Variants in IMMP2L observed in about 807,000 individuals in gnomAD.
IMMP2L encodes inner mitochondrial membrane peptidase subunit 2.
IMMP2L carries 18 observed loss-of-function variants against 19.3 expected under a neutral mutation model. The ratio of observed to expected loss-of-function variants is 0.93; its 90% CI spans 0.64 to 1.38. IMMP2L has a LOEUF of 1.38. Ranked by LOEUF, IMMP2L falls within the 40% of genes most tolerant of loss-of-function variation. The pLI, the probability that IMMP2L is intolerant of heterozygous loss-of-function variation, is 0.00. For missense variants in IMMP2L, 233 were observed against 218.2 expected (o/e 1.07, Z -0.43); for synonymous variants, 76 against 73.0 (o/e 1.04, Z -0.21).
intron 3 of IMMP2L, among the ~76,000 whole-genome samples, chr7:111,273,815 T>C (rs1002530123): frequency 6.6e-6 from 1 of 152,092 alleles, no homozygotes; most frequent in East Asian, 1.9e-4. Flanking sequence ...CATAGTGGCA[T>C]AAAGGGAAGG....
At position 111,030,641 on chromosome 7, in the gene IMMP2L, G is replaced by C. The variant is rs1005776452; in HGVS notation, c.240-67076C>G. The stretch of plus-strand genomic sequence containing the variant: ...CTTTGTAGTAGAGGTGAGCTATGAA[G>C]TTCTCAACTATGAAAGGTTAATACA... On this transcript the variant is annotated intron_variant, in intron 3 of 5. Coordinates refer to ENST00000405709, the MANE Select transcript of IMMP2L (RefSeq NM_032549.4). Among the ~76,000 whole-genome samples, 6 of 152,062 alleles carry C rather than the reference G, an allele frequency of 3.9e-5. No homozygotes were observed. In the South Asian group the frequency reaches 6.2e-4, roughly 16 times the overall value.
At chr7:110,944,564 G>GA (rs1817064108) in intron 4 of IMMP2L, among the ~76,000 whole-genome samples, 1 of 151,920 alleles carries the variant, frequency 6.6e-6, no homozygotes, top group African/African-American at 2.4e-5. Context: ...AGTATACACT[G>GA]AAAAATCTCC....
chr7:110,750,663 G>A (rs963553789), intron 5 of IMMP2L, among the ~76,000 whole-genome samples: 1 of 152,024 alleles, frequency 6.6e-6, no homozygotes, highest in African/African-American at 2.4e-5. Flanking sequence ...AATTGTAATT[G>A]TAATGAGGGC....
chr7:110,700,993 T>C (rs1412270031), intron 5 of IMMP2L, among the ~76,000 whole-genome samples: 5 of 152,194 alleles, frequency 3.3e-5, no homozygotes, highest in Admixed American at 6.5e-5. Flanking sequence ...CAAAAACAGA[T>C]ATAAATTATT....
chr7:111,423,245 G>A (rs1835756220), intron 3 of IMMP2L, among the ~76,000 whole-genome samples: 2 of 151,826 alleles, frequency 1.3e-5, no homozygotes, highest in Admixed American at 6.6e-5. Context: ...GAGTTAAGGA[G>A]GATTCCCTCT....
At chr7:110,946,696 CTG>C (rs1376616781) in intron 4 of IMMP2L, among the ~76,000 whole-genome samples, 12 of 147,754 alleles carry the variant, frequency 8.1e-5, no homozygotes. Flanking sequence ...CATATTAAAA[CTG>C]TTAAGAAAAC....
chr7:111,275,819 C>A (rs1000819625), intron 3 of IMMP2L, among the ~76,000 whole-genome samples: 1 of 151,514 alleles, frequency 6.6e-6, no homozygotes, highest in Non-Finnish European at 1.5e-5. Context: ...ATGGGATTGT[C>A]TTCTTGACTT....
chr7:111,139,054 G>T (rs1377799613), intron 3 of IMMP2L, among the ~76,000 whole-genome samples: 1 of 151,568 alleles, frequency 6.6e-6, no homozygotes, highest in Non-Finnish European at 1.5e-5. Flanking sequence ...ATTCGATTTG[G>T]CTATTGTGAG....
intron 3 of IMMP2L, among the ~76,000 whole-genome samples, chr7:110,980,614 A>T (rs1258303272): frequency 6.6e-6 from 1 of 152,140 alleles, no homozygotes; most frequent in African/African-American, 2.4e-5. Flanking sequence ...GAGTTTTTAC[A>T]TGACTAGATA....
At chr7:111,196,204 C>T (rs1809483640) in intron 3 of IMMP2L, among the ~76,000 whole-genome samples, 1 of 151,976 alleles carries the variant, frequency 6.6e-6, no homozygotes, top group South Asian at 2.1e-4. Flanking sequence ...TTATTTGGGA[C>T]CTTAGGAAAA....
intron 3 of IMMP2L, among the ~76,000 whole-genome samples, chr7:111,278,687 C>T (rs1260770840): frequency 1.3e-5 from 2 of 152,082 alleles, no homozygotes; most frequent in African/African-American, 4.8e-5. Context: ...AAAGGAAAAC[C>T]TAATAAAGTA....
intron 5 of IMMP2L, among the ~76,000 whole-genome samples, chr7:110,868,117 T>TTG (rs71151813): frequency 0.019 from 2,809 of 144,462 alleles, 45 homozygotes; most frequent in African/African-American, 0.04. Context: ...CTTGTGAGGT[T>TTG]TGTGTGTGTG....
chr7:111,286,881 C>T (rs1270891695), intron 3 of IMMP2L, among the ~76,000 whole-genome samples: 1 of 152,108 alleles, frequency 6.6e-6, no homozygotes, highest in Admixed American at 6.6e-5. Flanking sequence ...TTTAGGGATA[C>T]ACACTTTCCA....
intron 5 of IMMP2L, among the ~76,000 whole-genome samples, chr7:110,871,257 A>G (rs1808511727): frequency 6.6e-6 from 1 of 152,102 alleles, no homozygotes; most frequent in Non-Finnish European, 1.5e-5. Context: ...TGAACATCCA[A>G]GTGTGATACC....
chr7:111,144,634 C>A (rs367887091), intron 3 of IMMP2L, among the ~76,000 whole-genome samples: 1 of 151,898 alleles, frequency 6.6e-6, no homozygotes, highest in Admixed American at 6.6e-5. Flanking sequence ...ATTAAATCCA[C>A]GGGGGACAGA....
intron 3 of IMMP2L, among the ~76,000 whole-genome samples, chr7:111,121,716 C>A (rs1333048465): frequency 6.6e-5 from 10 of 152,094 alleles, no homozygotes; most frequent in Non-Finnish European, 1.0e-4. Context: ...TTGACCCAGC[C>A]AACCCATTAC....
intron 3 of IMMP2L, among the ~76,000 whole-genome samples, chr7:111,117,830 C>T (rs1338875028): frequency 6.6e-6 from 1 of 151,998 alleles, no homozygotes; most frequent in Non-Finnish European, 1.5e-5. Flanking sequence ...TTTTTCTTCA[C>T]CAATTTTTCA....
At chr7:111,363,277 T>G (rs1033408949) in intron 3 of IMMP2L, among the ~76,000 whole-genome samples, 7 of 152,096 alleles carry the variant, frequency 4.6e-5, no homozygotes, top group Non-Finnish European at 1.0e-4. Context: ...ATAACCCTGT[T>G]AGAAATGTGG....
intron 3 of IMMP2L, among the ~76,000 whole-genome samples, chr7:111,481,474 C>T (rs890267035): frequency 9.2e-5 from 14 of 151,938 alleles, no homozygotes; most frequent in Non-Finnish European, 5.9e-5. Context: ...TCTATAAAAC[C>T]GGGGATAACA....
Sources: allele counts gnomAD v4.1 joint callset (sites outside exome capture counted in the v4.1 genomes callset), GRCh38; gene constraint gnomAD v4.1.1; transcripts MANE v1.5; gene names NCBI Gene and HGNC (gene_info 2026-07-23, HGNC 2026-07-21).